The following CRYL1 variants were observed in gnomAD, a reference collection of about 807,000 sequenced individuals.
The protein encoded by CRYL1 is crystallin lambda 1.
CRYL1 carries 29 observed loss-of-function variants against 36.6 expected under a neutral mutation model. That is an observed-to-expected ratio of 0.79 (90% CI 0.59 to 1.08). The LOEUF is 1.08. Among genes scored for constraint, CRYL1 ranks in the 50% least tolerant of loss-of-function variants. The pLI is 0.00. For synonymous variants in CRYL1, 152 were observed against 151.5 expected, an observed-to-expected ratio of 1.00 and a Z score of -0.02; for missense variants, 411 against 407.9, an observed-to-expected ratio of 1.01 and a Z score of -0.06.
At chr13:20,508,848 C>CAAAAAAAAAAAAAAA (rs1179533995) in intron 2 of CRYL1, among the ~76,000 whole-genome samples, 2 of 10,452 alleles carry the variant, frequency 1.9e-4, no homozygotes, top group African/African-American at 6.4e-4. Flanking sequence ...AGCGAGACTC[C>CAAAAAAAAAAAAAAA]AAAAAAAAAA....
At chr13:20,463,069 C>A (rs1454182316) in intron 3 of CRYL1, among the ~76,000 whole-genome samples, 2 of 152,170 alleles carry the variant, frequency 1.3e-5, no homozygotes, top group Non-Finnish European at 2.9e-5. Context: ...GAACCCGAAG[C>A]TGGGTCTGCC....
At chr13:20,412,411 T>C (rs567200571) in intron 6 of CRYL1, among the ~76,000 whole-genome samples, 134 of 152,286 alleles carry the variant, frequency 8.8e-4, no homozygotes, top group African/African-American at 3.1e-3. Flanking sequence ...GTTAGTAATG[T>C]TATTAATCTA....
chr13:20,454,026 CAG>C (rs1387097346), intron 3 of CRYL1, among the ~76,000 whole-genome samples: 1 of 152,136 alleles, frequency 6.6e-6, no homozygotes, highest in Non-Finnish European at 1.5e-5. Context: ...TCTATCAACA[CAG>C]AAAACTCCAG....
intron 2 of CRYL1, among the ~76,000 whole-genome samples, chr13:20,510,558 T>A (rs2033894664): frequency 6.6e-6 from 1 of 151,758 alleles, no homozygotes; most frequent in African/African-American, 2.4e-5. Context: ...CAAGGGTAGA[T>A]ACATGTCAGT....
intron 6 of CRYL1, among the ~76,000 whole-genome samples, chr13:20,410,536 TAATA>T (rs924383340): frequency 1.3e-4 from 20 of 151,968 alleles, no homozygotes; most frequent in Admixed American, 5.2e-4. Flanking sequence ...AGTATAATAA[TAATA>T]AATAAATAAA....
chr13:20,473,273 C>T (rs1005046276), intron 3 of CRYL1, among the ~76,000 whole-genome samples: 4 of 152,230 alleles, frequency 2.6e-5, no homozygotes, highest in East Asian at 1.9e-4. Flanking sequence ...TCCCACTGTG[C>T]GGCACCCACA....
chr13:20,462,220 GGGCCTGGTGGGAGAAGGAGGCAGGAGGAT>G (rs2032845466), intron 3 of CRYL1, among the ~76,000 whole-genome samples: 2 of 149,436 alleles, frequency 1.3e-5, no homozygotes, highest in Non-Finnish European at 1.5e-5. Context: ...GGCAGGAGGA[GGGCCTGGTGGGAGAAGGAGGCAGGAGGAT>G]GGCCTGGTGG....
chr13:20,439,841 T>C, intron 3 of CRYL1, 87 bp from the exon 4 acceptor site: 1 of 1,280,230 alleles, frequency 7.8e-7, no homozygotes, highest in Admixed American at 2.0e-5. Context: ...ATTCCTCAAA[T>C]GAACCACTTT....
chr13:20,443,553 C>T (rs1295040394), intron 3 of CRYL1, among the ~76,000 whole-genome samples: 2 of 151,968 alleles, frequency 1.3e-5, no homozygotes, highest in Non-Finnish European at 2.9e-5. Flanking sequence ...CCACCACACC[C>T]GGCTAATTTT....
rs1267993303 is a variant in CRYL1, at chr13:20,425,046, T to C, written c.633+7056A>G. Among the ~76,000 whole-genome samples the C allele has an allele frequency of 6.6e-6, 1 of 152,154 alleles. No individual in the cohort carries two copies. Among genetic ancestry groups the C allele is most frequent in the African/African-American group, 2.4e-5 (1 of 41,440 alleles). The stretch of plus-strand genomic sequence containing the variant: ...TGACTTCGTGCCAAGACCACACAGA[T>C]GTTGCCAATGTCTGCGCTGTGCTAT... On this transcript the variant is annotated intron_variant, in intron 5 of 7. Transcript: ENST00000298248. The surrounding 1 kb of genome is among the most constrained non-coding windows in gnomAD (Gnocchi z 4.4).
chr13:20,517,735 G>C (rs1371817115), intron 1 of CRYL1, among the ~76,000 whole-genome samples: 1 of 152,032 alleles, frequency 6.6e-6, no homozygotes, highest in African/African-American at 2.4e-5. Flanking sequence ...AGGAGATCGA[G>C]ACCAACCTGG....
intron 1 of CRYL1, among the ~76,000 whole-genome samples, chr13:20,524,259 T>G (rs887200902): frequency 6.6e-6 from 1 of 152,194 alleles, no homozygotes; most frequent in African/African-American, 2.4e-5. Context: ...CGCGCACGCA[T>G]GCGTGTAAAA....
chr13:20,405,079 A>G (rs1378398349), intron 6 of CRYL1, among the ~76,000 whole-genome samples: 1 of 152,142 alleles, frequency 6.6e-6, no homozygotes, highest in East Asian at 1.9e-4. Context: ...AGAGCAGCCT[A>G]GCCAACATGG....
intron 3 of CRYL1, among the ~76,000 whole-genome samples, chr13:20,451,915 G>A (rs1313368149): frequency 6.6e-6 from 1 of 152,034 alleles, no homozygotes; most frequent in East Asian, 1.9e-4. Flanking sequence ...TAAAGAAAAT[G>A]TGGTACATAT....
At chr13:20,507,884 C>T (rs1048432336) in intron 2 of CRYL1, among the ~76,000 whole-genome samples, 1 of 150,504 alleles carries the variant, frequency 6.6e-6, no homozygotes, top group Non-Finnish European at 1.5e-5. Context: ...AGCCACTGCA[C>T]TCCAGCCTGG....
At chr13:20,523,045 T>A (rs944496437) in intron 1 of CRYL1, among the ~76,000 whole-genome samples, 1 of 150,882 alleles carries the variant, frequency 6.6e-6, no homozygotes, top group Non-Finnish European at 1.5e-5. Flanking sequence ...GCCTCCTGAG[T>A]AGCTGGGATT....
intron 3 of CRYL1, among the ~76,000 whole-genome samples, chr13:20,464,426 A>AT (rs1221686358): frequency 6.6e-6 from 1 of 152,200 alleles, no homozygotes; most frequent in African/African-American, 2.4e-5. Context: ...ATAAAATAAA[A>AT]TTTAAAGCAT....
At chr13:20,486,249 T>C (rs979209964) in intron 3 of CRYL1, among the ~76,000 whole-genome samples, 4 of 152,144 alleles carry the variant, frequency 2.6e-5, no homozygotes, top group Admixed American at 2.0e-4. Context: ...AAGAAACACA[T>C]AAATGGTGCT....
At chr13:20,413,900 C>T (rs748734379) in intron 5 of CRYL1, among the ~76,000 whole-genome samples, 12 of 152,038 alleles carry the variant, frequency 7.9e-5, no homozygotes, top group South Asian at 2.1e-4. Flanking sequence ...AATGGCTTGG[C>T]GTGGTGGCTC....
Sources: gnomAD v4.1 joint callset for allele counts (sites outside exome capture counted in the v4.1 genomes callset) on GRCh38, gnomAD v4.1.1 for gene constraint, Gnocchi (gnomAD v3.1) non-coding constraint, MANE v1.5 for transcripts, NCBI Gene and HGNC (gene_info 2026-07-23, HGNC 2026-07-21) for gene names.